ZNF212: variants seen among roughly 807,000 people sequenced by gnomAD.
The protein encoded by ZNF212 is zinc finger protein 212, also known as Zinc finger protein C2H2-150.
A neutral mutation model predicts 47.3 loss-of-function variants in ZNF212; 32 were observed. The ratio of observed to expected loss-of-function variants is 0.68; its 90% CI spans 0.51 to 0.91. The LOEUF (loss-of-function observed/expected upper bound fraction) is 0.91. ZNF212 is among the 40% of genes least tolerant of loss of function. The probability of loss-of-function intolerance (pLI) is 0.00; values close to 1 mark genes in which losing one functional copy is unlikely to be tolerated. For missense variants in ZNF212, 555 were observed against 622.8 expected (o/e 0.89, Z 1.16); for synonymous variants, 242 against 253.8 (o/e 0.95, Z 0.44).
rs1326278581 is a variant in ZNF212 at position 149,253,869 on chromosome 7, C to G, written c.942C>G (p.Arg314=). ...TGAAGCTGAAAAAGGACACTTCCCG[C>G]CCCTACGAATGTTCTGAGTGTGAGA... ...QGLKLKKDTS[R]PYECSECEIT... Residue 314 remains arginine (R), a synonymous_variant, in exon 5 of 5, where the codon CGC becomes CGG. Coordinates refer to ENST00000335870, the MANE Select transcript of ZNF212 (RefSeq NM_012256.4). The G allele has an allele frequency of 1.9e-6, 3 of 1,613,946 alleles. No individual in the cohort carries two copies. The East Asian group carries it at 6.7e-5, about 36-fold the overall frequency.
At chr7:149,250,007 C>A in intron 1 of ZNF212, 152 bp from the exon 2 acceptor site, 1 of 648,824 alleles carries the variant, frequency 1.5e-6, no homozygotes, top group Non-Finnish European at 2.2e-6. Flanking sequence ...ATTATTAATA[C>A]AATATCTATG....
chr7:149,253,259 T>C (rs896363731), intron 4 of ZNF212, among the ~76,000 whole-genome samples: 2 of 152,336 alleles, frequency 1.3e-5, no homozygotes, highest in African/African-American at 4.8e-5. Context: ...GTTGTTACAG[T>C]GTATTCTGTC....
chr7:149,244,736 A>G (rs1416213435), intron 1 of ZNF212, among the ~76,000 whole-genome samples: 3 of 152,234 alleles, frequency 2.0e-5, no homozygotes, highest in South Asian at 4.1e-4. Context: ...GTGCATTCCC[A>G]TGTCTATTGG....
At position 149,254,121 on chromosome 7, in the gene ZNF212, C is replaced by T. The variant is rs772701951; in HGVS notation, c.1194C>T (p.Ala398=). ...QRCHLQEGPS[A]GQHVQERFSP... Reference sequence around the variant, plus strand: ...GCCACCTGCAGGAGGGGCCCAGTGCCGGCCAGCATGTCCAAGAGAGGTTCT... The same window carrying T: ...GCCACCTGCAGGAGGGGCCCAGTGCTGGCCAGCATGTCCAAGAGAGGTTCT... The change falls in exon 5 of 5, where the codon GCC becomes GCT. Residue 398 remains alanine, a synonymous_variant. Coordinates refer to ENST00000335870, the MANE Select transcript of ZNF212 (RefSeq NM_012256.4). This position sits in a 1 kb window ranked among gnomAD's most constrained non-coding sequence, Gnocchi z 4.5. 1.2e-5 allele frequency: 20 copies of T among 1,613,576 alleles called. No homozygotes were observed. The highest frequency in any genetic ancestry group is 9.3e-5 in the African/African-American group (7 of 74,926).
rs368583959 is a variant in ZNF212, at chr7:149,250,372, G to C, written c.238G>C (p.Glu80Gln). The C allele has an allele frequency of 1.9e-6, 3 of 1,614,072 alleles. No individual in the cohort carries two copies. The African/African-American group carries it at 4.0e-5, about 22-fold the overall frequency. The change falls in exon 2 of 5, where the codon GAG (glutamate) becomes CAG (glutamine). Residue 80 changes from glutamate (E) to glutamine (Q), a missense_variant. Coordinates refer to ENST00000335870, the MANE Select transcript of ZNF212 (RefSeq NM_012256.4). The stretch of plus-strand genomic sequence containing the variant: ...AGCCGAGAAGAAGCTGGCTGACTGC[G>C]AGAAGATGGCCGTGGAGTTCGGGAA... ...GTAEKKLADC[E>Q]KMAVEFGNQL...
Position 149,254,384 on chromosome 7 carries a change from T to G in ZNF212, c.1457T>G (p.Leu486Arg), listed in dbSNP as rs1170124583. The change falls in exon 5 of 5, where the codon CTG becomes CGG. Residue 486 changes from leucine to arginine, a missense_variant. Transcript: ENST00000335870. This position sits in a 1 kb window ranked among gnomAD's most constrained non-coding sequence, Gnocchi z 4.5. ...CAGCGGGAGCGGGGTGGGCTGGCCC[T>G]GGAGCCCGGAAGGCCCAATGGCCTG... The part of the protein sequence containing the change: ...IHQRERGGLA[L>R]EPGRPNGLL The G allele has an allele frequency of 6.2e-7, 1 of 1,605,220 alleles. No homozygotes were observed. The highest frequency in any genetic ancestry group is 1.1e-5 in the South Asian group (1 of 90,982).
chr7:149,251,015 G>C (rs1796747596), intron 3 of ZNF212, among the ~76,000 whole-genome samples: 1 of 151,318 alleles, frequency 6.6e-6, no homozygotes, highest in Non-Finnish European at 1.5e-5. Context: ...CCCATTTACA[G>C]AGACTTTTGG....
chr7:149,251,941 TAAAAAAA>T (rs36067111), intron 3 of ZNF212, among the ~76,000 whole-genome samples: 5 of 109,538 alleles, frequency 4.6e-5, no homozygotes, highest in African/African-American at 1.1e-4. Context: ...CTCTGTTGCT[TAAAAAAA>T]AAAAAAAAAA....
At chr7:149,251,192 T>C in intron 3 of ZNF212, 2 of 262,962 alleles carry the variant, frequency 7.6e-6, no homozygotes, top group South Asian at 3.8e-5. Flanking sequence ...TTTTTTTTTC[T>C]TTTTTTCTTT....
At chr7:149,249,639 C>G (rs1411815328) in intron 1 of ZNF212, among the ~76,000 whole-genome samples, 1 of 146,562 alleles carries the variant, frequency 6.8e-6, no homozygotes, top group East Asian at 1.9e-4. Flanking sequence ...CTTTCTTTTT[C>G]TTTTTTGAGA....
intron 1 of ZNF212, among the ~76,000 whole-genome samples, chr7:149,240,671 T>C (rs1563186565): frequency 6.6e-6 from 1 of 152,206 alleles, no homozygotes; most frequent in Non-Finnish European, 1.5e-5. Context: ...GTGGTTAATT[T>C]AACAACACCA....
chr7:149,254,285 G>T lies in ZNF212; in HGVS notation c.1358G>T (p.Arg453Leu). The change falls in exon 5 of 5, where the codon CGG becomes CTG. Residue 453 changes from arginine (R) to leucine (L), a missense_variant. Coordinates refer to ENST00000335870, the MANE Select transcript of ZNF212 (RefSeq NM_012256.4). This position sits in a 1 kb window ranked among gnomAD's most constrained non-coding sequence, Gnocchi z 4.5. ...CACCAGCGCATCCACACGGGTGAGC[G>T]GCCCTACAGCTGCACTGAGTGTGAG... ...VRHQRIHTGE[R>L]PYSCTECEKS... 1.2e-6 allele frequency: 2 copies of T among 1,614,196 alleles called. No homozygotes were observed. Among genetic ancestry groups the T allele is most frequent in the Non-Finnish European group, 1.7e-6 (2 of 1,180,042 alleles).
At chr7:149,250,091 C>G (rs907085312) in intron 1 of ZNF212, 68 bp from the exon 2 acceptor site, 4 of 1,416,940 alleles carry the variant, frequency 2.8e-6, no homozygotes. Flanking sequence ...AGCACTGATA[C>G]ACTTGAACAC....
rs1796808251 is a variant in ZNF212, at chr7:149,254,427, C to G, written c.*12C>G. 6.3e-7 allele frequency: 1 copy of G among 1,577,786 alleles called. No homozygotes were observed. Among genetic ancestry groups the G allele is most frequent in the Non-Finnish European group, 8.6e-7 (1 of 1,168,924 alleles). On this transcript the variant is annotated 3_prime_UTR_variant, in exon 5 of 5. Coordinates refer to ENST00000335870, the MANE Select transcript of ZNF212 (RefSeq NM_012256.4). This position sits in a 1 kb window ranked among gnomAD's most constrained non-coding sequence, Gnocchi z 4.5. ...ATGGCCTGCTTTAAGGGTGCAGCCC[C>G]TCGCCCGTCTGGGGGATGGAGGGGG...
intron 1 of ZNF212, among the ~76,000 whole-genome samples, chr7:149,242,066 G>GACTCTCTTGCTCTCGCTCTCTTGCA (rs1390177134): frequency 7.2e-6 from 1 of 139,780 alleles, no homozygotes. Context: ...TCTTGCTCTG[G>GACTCTCTTGCTCTCGCTCTCTTGCA]CTGGAGTGCA....
At chr7:149,249,664 G>A (rs1796725242) in intron 1 of ZNF212, among the ~76,000 whole-genome samples, 1 of 152,138 alleles carries the variant, frequency 6.6e-6, no homozygotes, top group African/African-American at 2.4e-5. Flanking sequence ...GTCTCACTCT[G>A]TTACTCAGGC....
chr7:149,251,299 C>T (rs1645910429), intron 3 of ZNF212: 1 of 159,290 alleles, frequency 6.3e-6, no homozygotes, highest in South Asian at 1.6e-4. Context: ...ATTCTCCTGC[C>T]TCAGCCTCTC....
intron 3 of ZNF212, 54 bp from the exon 4 acceptor site, chr7:149,252,652 G>C (rs2129524401): frequency 6.5e-7 from 1 of 1,534,258 alleles, no homozygotes; most frequent in East Asian, 2.3e-5. Context: ...GCTGATCAGT[G>C]TGCAGTGAGC....
At chr7:149,246,556 T>C (rs2129524257) in intron 1 of ZNF212, among the ~76,000 whole-genome samples, 1 of 152,150 alleles carries the variant, frequency 6.6e-6, no homozygotes, top group African/African-American at 2.4e-5. Context: ...CTAATTTTGT[T>C]TTTGTATTTT....
Sources: gnomAD v4.1 joint callset for allele counts (sites outside exome capture counted in the v4.1 genomes callset) on GRCh38, gnomAD v4.1.1 for gene constraint, Gnocchi (gnomAD v3.1) non-coding constraint, MANE v1.5 for transcripts, NCBI Gene and HGNC (gene_info 2026-07-23, HGNC 2026-07-21) for gene names.